The following GASK1B variants were observed in gnomAD, a reference collection of about 807,000 sequenced individuals.
The protein encoded by GASK1B is golgi associated kinase 1B.
Under a neutral mutation model 42.8 loss-of-function variants are expected in GASK1B, and 34 were observed. The ratio of observed to expected loss-of-function variants is 0.79; its 90% CI spans 0.60 to 1.06. The LOEUF (loss-of-function observed/expected upper bound fraction) is 1.06. GASK1B is among the 50% of genes least tolerant of loss of function. The probability of loss-of-function intolerance (pLI) is 0.00; values close to 1 mark genes in which losing one functional copy is unlikely to be tolerated. For missense variants in GASK1B, 686 were observed against 661.0 expected, an observed-to-expected ratio of 1.04 and a Z score of -0.42; for synonymous variants, 262 against 259.1, an observed-to-expected ratio of 1.01 and a Z score of -0.11.
At chr4:158,170,210 G>C in intron 2 of GASK1B, 1 of 1,604,066 alleles carries the variant, frequency 6.2e-7, no homozygotes, top group Non-Finnish European at 8.5e-7. Flanking sequence ...GTGAAGCGAG[G>C]GAAATGGAGA....
chr4:158,145,557 T>C (rs1352891862), intron 3 of GASK1B, among the ~76,000 whole-genome samples: 1 of 152,198 alleles, frequency 6.6e-6, no homozygotes, highest in Admixed American at 6.5e-5. Flanking sequence ...TCTTCCCGTC[T>C]CTTGTACTCA....
chr4:158,142,161 G>T (rs371267085), intron 3 of GASK1B, among the ~76,000 whole-genome samples: 2 of 148,422 alleles, frequency 1.3e-5, no homozygotes, highest in Non-Finnish European at 3.0e-5. Context: ...AGCCAGGATG[G>T]TCTCGATCTC....
chr4:158,136,688 T>C (rs1028959813), intron 3 of GASK1B, among the ~76,000 whole-genome samples: 1 of 152,222 alleles, frequency 6.6e-6, no homozygotes, highest in Non-Finnish European at 1.5e-5. Context: ...CAAGTGTGTA[T>C]GTAGGTGTGT....
chr4:158,133,374 C>T (rs1730758652), intron 3 of GASK1B, among the ~76,000 whole-genome samples: 1 of 151,908 alleles, frequency 6.6e-6, no homozygotes. Flanking sequence ...TGAATATAAC[C>T]CGTAAAGAAA....
intron 2 of GASK1B, among the ~76,000 whole-genome samples, chr4:158,156,063 G>A (rs557604015): frequency 2.9e-4 from 44 of 152,136 alleles, no homozygotes; most frequent in Non-Finnish European, 2.6e-4. Context: ...AAATTTAAAC[G>A]AGATATTTTA....
intron 3 of GASK1B, among the ~76,000 whole-genome samples, chr4:158,147,160 A>T (rs967725437): frequency 6.6e-6 from 1 of 152,218 alleles, no homozygotes; most frequent in Non-Finnish European, 1.5e-5. Flanking sequence ...ATTTATTCTG[A>T]TTTAAAATAA....
At chr4:158,156,295 G>A (rs1292373683) in intron 2 of GASK1B, among the ~76,000 whole-genome samples, 2 of 152,146 alleles carry the variant, frequency 1.3e-5, no homozygotes, top group Non-Finnish European at 2.9e-5. Flanking sequence ...ATTTTTAGAA[G>A]TCGCAAATTT....
chr4:158,155,894 G>C lies in GASK1B; in HGVS notation c.911-69C>G, dbSNP rs1006737785. 70 of 1,341,542 alleles carry C rather than the reference G, an allele frequency of 5.2e-5. No homozygotes were observed. In the East Asian group the frequency reaches 1.6e-3, roughly 31 times the overall value. The allele number at this position is 1,341,542 out of a possible 1,614,324, so 83.1% of individuals were successfully genotyped here. A position where few individuals can be genotyped will look rare whatever the true frequency, so the allele number is the denominator to read the frequency against. On this transcript the variant is annotated intron_variant, in intron 2 of 4. Coordinates refer to ENST00000585682, the MANE Select transcript of GASK1B (RefSeq NM_001128424.2). ...CTCAGGGTGTGTCTTTGAGCAGGTC[G>C]TTCACTCTTTCACAGTCTCACGCTC...
chr4:158,140,222 G>A (rs556340084), intron 3 of GASK1B, among the ~76,000 whole-genome samples: 5 of 152,274 alleles, frequency 3.3e-5, no homozygotes, highest in Admixed American at 2.6e-4. Flanking sequence ...CTCGCAGAAA[G>A]GCACACAAAA....
intron 2 of GASK1B, chr4:158,169,234 A>G (rs1243466571): frequency 1.3e-5 from 2 of 152,222 alleles, no homozygotes; most frequent in Admixed American, 6.5e-5. Flanking sequence ...CATTTTTATC[A>G]ACATTAGATT....
Position 158,130,993 on chromosome 4 carries a change from G to A in GASK1B, c.1145C>T (p.Thr382Ile). 1 of 1,613,318 alleles carries A rather than the reference G, an allele frequency of 6.2e-7. No homozygotes were observed. The highest frequency in any genetic ancestry group is 8.5e-7 in the Non-Finnish European group (1 of 1,179,706). Residue 382 changes from threonine to isoleucine, a missense_variant, in exon 4 of 5, where the codon ACA (threonine) becomes ATA (isoleucine). Coordinates refer to ENST00000585682, the MANE Select transcript of GASK1B (RefSeq NM_001128424.2). ...FLLQIYNRLD[T>I]NCCGFRPRKE... Reference sequence around the variant, plus strand: ...GCGAGGTCTGAATCCACAGCAATTTGTATCTAAGCGATTATAAATCTGTAA... The same window carrying A: ...GCGAGGTCTGAATCCACAGCAATTTATATCTAAGCGATTATAAATCTGTAA...
chr4:158,167,793 G>A (rs1228724390), intron 2 of GASK1B, among the ~76,000 whole-genome samples: 1 of 152,194 alleles, frequency 6.6e-6, no homozygotes, highest in Admixed American at 6.5e-5. Flanking sequence ...GGTAAGATCT[G>A]TTGCCTCCCT....
chr4:158,163,308 C>A (rs1041380484), intron 2 of GASK1B, among the ~76,000 whole-genome samples: 1 of 152,198 alleles, frequency 6.6e-6, no homozygotes, highest in Non-Finnish European at 1.5e-5. Flanking sequence ...CAGTGGCTCA[C>A]GCCTGTAATC....
intron 2 of GASK1B, among the ~76,000 whole-genome samples, chr4:158,162,447 A>G (rs146411420): frequency 1.2e-3 from 179 of 152,312 alleles, no homozygotes; most frequent in African/African-American, 4.1e-3. Context: ...GTTCATGGAT[A>G]GCTCTTAGAG....
At chr4:158,160,917 A>G (rs1731961025) in intron 2 of GASK1B, among the ~76,000 whole-genome samples, 1 of 152,118 alleles carries the variant, frequency 6.6e-6, no homozygotes. Context: ...GTTGAGCTCA[A>G]AAGTAGAGAG....
In GASK1B at chr4:158,155,569, C is replaced by T. The variant is rs372145463; in HGVS notation, c.1125+42G>A. The T allele has an allele frequency of 2.5e-5, 38 of 1,523,496 alleles. No homozygotes were observed. In the East Asian group the frequency reaches 2.7e-4, roughly 11 times the overall value. 94.4% of individuals were successfully genotyped at this position (1,523,496 alleles called of 1,614,324 possible). A position where few individuals can be genotyped will look rare whatever the true frequency, so the allele number is the denominator to read the frequency against. Reference sequence around the variant, plus strand: ...TTAGTGTCAGGCTAATATAACTCAGCGCCAGTCTTAGATAACTATTTGCTT... The same window carrying T: ...TTAGTGTCAGGCTAATATAACTCAGTGCCAGTCTTAGATAACTATTTGCTT... On this transcript the variant is annotated intron_variant, in intron 3 of 4. Transcript: ENST00000585682.
chr4:158,143,099 AATGTGCTT>A (rs1240834474), intron 3 of GASK1B, among the ~76,000 whole-genome samples: 6 of 152,222 alleles, frequency 3.9e-5, no homozygotes, highest in African/African-American at 1.4e-4. Flanking sequence ...TGATAATAGC[AATGTGCTT>A]ATGTGTTTTA....
rs550144911 is a variant in GASK1B, at chr4:158,162,647, A to G, written c.911-6822T>C. 1.6e-3 allele frequency among the ~76,000 whole-genome samples: 237 copies of G among 152,328 alleles called. 2 individuals are homozygous for G. Among genetic ancestry groups the G allele is most frequent in the South Asian group, 5.0e-3 (24 of 4,830 alleles). On this transcript the variant is annotated intron_variant, in intron 2 of 4. Coordinates refer to ENST00000585682, the MANE Select transcript of GASK1B (RefSeq NM_001128424.2). The stretch of plus-strand genomic sequence containing the variant: ...AGCTTGTGCTCAACTATCCACTCCC[A>G]TGTATCTCTTATATACTGGGACGAT...
At chr4:158,160,548 C>T (rs1214468554) in intron 2 of GASK1B, among the ~76,000 whole-genome samples, 3 of 152,116 alleles carry the variant, frequency 2.0e-5, no homozygotes, top group Non-Finnish European at 4.4e-5. Flanking sequence ...ATGAAAGTTT[C>T]TCAGGAAACT....
Sources: allele counts gnomAD v4.1 joint callset (sites outside exome capture counted in the v4.1 genomes callset), GRCh38; gene constraint gnomAD v4.1.1; transcripts MANE v1.5; gene names NCBI Gene and HGNC (gene_info 2026-07-23, HGNC 2026-07-21).